The following FAM168B variants were observed in gnomAD, a reference collection of about 807,000 sequenced individuals.
FAM168B encodes the protein family with sequence similarity 168 member B.
FAM168B carries 19 observed loss-of-function variants against 21.8 expected under a neutral mutation model. That is an observed-to-expected ratio of 0.87 (90% confidence interval 0.61 to 1.28). FAM168B has a LOEUF of 1.28. Among genes scored for constraint, FAM168B ranks in the 50% most tolerant of loss-of-function variants. FAM168B has a pLI of 0.00. For missense variants in FAM168B, 233 were observed against 263.1 expected, an observed-to-expected ratio of 0.89 and a Z score of 0.79; for synonymous variants, 126 against 104.8, an observed-to-expected ratio of 1.20 and a Z score of -1.24.
chr2:131,089,124 A>G (rs1458467221), intron 1 of FAM168B, among the ~76,000 whole-genome samples: 1 of 151,880 alleles, frequency 6.6e-6, no homozygotes, highest in Admixed American at 6.6e-5. Flanking sequence ...GTGCCACCAC[A>G]CCCAGCTAAT....
intron 1 of FAM168B, among the ~76,000 whole-genome samples, chr2:131,084,273 T>C (rs760457185): frequency 1.5e-5 from 2 of 129,912 alleles, no homozygotes; most frequent in African/African-American, 2.9e-5. Context: ...CACTGCAACC[T>C]TGACCTCCTG....
chr2:131,067,530 C>T (rs1283922696), intron 3 of FAM168B, among the ~76,000 whole-genome samples: 2 of 152,116 alleles, frequency 1.3e-5, no homozygotes, highest in Non-Finnish European at 1.5e-5. Context: ...TGCTTGTGCT[C>T]AGGAATTTGA....
chr2:131,048,471 A>G lies in FAM168B; in HGVS notation c.*3994T>C. 8.5e-7 allele frequency: 1 copy of G among 1,172,106 alleles called. No homozygotes were observed. Among genetic ancestry groups the G allele is most frequent in the Non-Finnish European group, 1.1e-6 (1 of 921,270 alleles). The allele number at this position is 1,172,106 out of a possible 1,614,324, so 72.6% of individuals were successfully genotyped here. On this transcript the variant is annotated 3_prime_UTR_variant, in exon 7 of 7. Coordinates refer to ENST00000389915, the MANE Select transcript of FAM168B (RefSeq NM_001009993.4). The stretch of plus-strand genomic sequence containing the variant: ...TCCCCTTCCCAAGTGACTTCACTTC[A>G]GTCCTGTGGACCAAGATAAGGCTAT...
At chr2:131,075,682 G>A (rs1397454695) in intron 2 of FAM168B, among the ~76,000 whole-genome samples, 2 of 151,990 alleles carry the variant, frequency 1.3e-5, no homozygotes, top group African/African-American at 4.8e-5. Context: ...TAGAGACAGG[G>A]TTTCACCATG....
intron 3 of FAM168B, among the ~76,000 whole-genome samples, chr2:131,069,792 C>CTAAACTTTTAAAACCCCTGCTCTTT (rs1692778153): frequency 6.6e-6 from 1 of 151,522 alleles, no homozygotes; most frequent in African/African-American, 2.4e-5. Flanking sequence ...TGCGCCCAGC[C>CTAAACTTTTAAAACCCCTGCTCTTT]AAGTTACACA....
intron 3 of FAM168B, among the ~76,000 whole-genome samples, chr2:131,069,693 C>G (rs1300210308): frequency 6.6e-6 from 1 of 152,016 alleles, no homozygotes; most frequent in East Asian, 1.9e-4. Context: ...GGGGGTTTCA[C>G]CGCGTTAGCC....
chr2:131,083,118 G>C (rs1225045942), intron 1 of FAM168B, among the ~76,000 whole-genome samples: 4 of 152,114 alleles, frequency 2.6e-5, no homozygotes, highest in Non-Finnish European at 5.9e-5. Context: ...CACTTCGGGA[G>C]GCTGAGGTGG....
Position 131,050,079 on chromosome 2 carries a change from TAA to T in FAM168B, c.*2384_*2385del. 1.0e-6 allele frequency: 1 copy of T among 985,462 alleles called. No individual in the cohort carries two copies. The highest frequency in any genetic ancestry group is 1.2e-6 in the Non-Finnish European group (1 of 829,946). The allele number at this position is 985,462 out of a possible 1,614,324, so 61.0% of individuals were successfully genotyped here. A position where few individuals can be genotyped will look rare whatever the true frequency, so the allele number is the denominator to read the frequency against. ...CAACTTCATAAAAGGGAAAAAAGGT[TAA>T]GTTACAGGGAGGAAGAAAAGTGTTT... On this transcript the variant is annotated 3_prime_UTR_variant, in exon 7 of 7. Transcript: ENST00000389915.
chr2:131,056,001 A>G (rs1328714126), intron 3 of FAM168B, among the ~76,000 whole-genome samples: 1 of 152,252 alleles, frequency 6.6e-6, no homozygotes, highest in Non-Finnish European at 1.5e-5. Context: ...GCTGGAATTT[A>G]AATTGGTATG....
At position 131,048,407 on chromosome 2, in the gene FAM168B, G is replaced by C. The variant is rs1018790923; in HGVS notation, c.*4058C>G. On this transcript the variant is annotated 3_prime_UTR_variant, in exon 7 of 7. Transcript: ENST00000389915. ...GAGCACACCACCCTTCTGCAGGCCC[G>C]GGGGGGGGTCCCTACACAGACGCCG... 5.3e-6 allele frequency: 6 copies of C among 1,121,816 alleles called. No homozygotes were observed. Among genetic ancestry groups the C allele is most frequent in the Non-Finnish European group, 6.9e-6 (6 of 873,932 alleles). The allele number at this position is 1,121,816 out of a possible 1,614,324, so 69.5% of individuals were successfully genotyped here. A position where few individuals can be genotyped will look rare whatever the true frequency, so the allele number is the denominator to read the frequency against.
chr2:131,076,094 G>A (rs909445894), intron 2 of FAM168B, among the ~76,000 whole-genome samples: 5 of 152,134 alleles, frequency 3.3e-5, no homozygotes, highest in Non-Finnish European at 7.4e-5. Flanking sequence ...AGCTTTGGGA[G>A]GACCCCCAAC....
chr2:131,048,130 A>G lies in FAM168B; in HGVS notation c.*4335T>C. On this transcript the variant is annotated 3_prime_UTR_variant, in exon 7 of 7. Coordinates refer to ENST00000389915, the MANE Select transcript of FAM168B (RefSeq NM_001009993.4). Reference sequence around the variant, plus strand: ...AAGACAATGCTGACTTAGCTTAAAAAAAGTACCGAGAGAACGGTGTAAAAA... The same window carrying G: ...AAGACAATGCTGACTTAGCTTAAAAGAAGTACCGAGAGAACGGTGTAAAAA... 8.4e-7 allele frequency: 1 copy of G among 1,193,782 alleles called. No homozygotes were observed. The highest frequency in any genetic ancestry group is 1.5e-5 in the South Asian group (1 of 66,296). 73.9% of individuals were successfully genotyped at this position (1,193,782 alleles called of 1,614,324 possible).
In FAM168B at chr2:131,048,077, C is replaced by T. The variant is rs1000430131; in HGVS notation, c.*4388G>A. On this transcript the variant is annotated 3_prime_UTR_variant, in exon 7 of 7. Coordinates refer to ENST00000389915, the MANE Select transcript of FAM168B (RefSeq NM_001009993.4). ...TTGGCATGGATACGTAAGTTCAATG[C>T]AGAGGTGAGGGATGCCTTTAACACT... 1.3e-6 allele frequency: 1 copy of T among 766,260 alleles called. No individual in the cohort carries two copies. The highest frequency in any genetic ancestry group is 6.9e-5 in the East Asian group (1 of 14,404). 47.5% of individuals were successfully genotyped at this position (766,260 alleles called of 1,614,324 possible).
Position 131,049,380 on chromosome 2 carries a change from G to A in FAM168B, c.*3085C>T. 1 of 985,470 alleles carries A rather than the reference G, an allele frequency of 1.0e-6. No individual in the cohort carries two copies. Among genetic ancestry groups the A allele is most frequent in the Non-Finnish European group, 1.2e-6 (1 of 829,982 alleles). The allele number at this position is 985,470 out of a possible 1,614,324, so 61.0% of individuals were successfully genotyped here. A position where few individuals can be genotyped will look rare whatever the true frequency, so the allele number is the denominator to read the frequency against. On this transcript the variant is annotated 3_prime_UTR_variant, in exon 7 of 7. Coordinates refer to ENST00000389915, the MANE Select transcript of FAM168B (RefSeq NM_001009993.4). ...GCACTCAAGAAGGTTTCCCAGAATAGCGACAGGTAGGCCTACAAACCACAC... is the reference window on the plus strand; with the variant it reads ...GCACTCAAGAAGGTTTCCCAGAATAACGACAGGTAGGCCTACAAACCACAC...
chr2:131,065,770 C>T (rs1200074093), intron 3 of FAM168B, among the ~76,000 whole-genome samples: 1 of 129,658 alleles, frequency 7.7e-6, no homozygotes, highest in African/African-American at 3.0e-5. Context: ...GCCTGGGCAA[C>T]AGAGCGAGAC....
chr2:131,080,555 T>C (rs1693382213), intron 2 of FAM168B, among the ~76,000 whole-genome samples: 1 of 150,074 alleles, frequency 6.7e-6, no homozygotes, highest in East Asian at 2.0e-4. Flanking sequence ...GAGATGGAGG[T>C]TGTAGTGAGC....
At position 131,050,477 on chromosome 2, in the gene FAM168B, G is replaced by A. The variant is rs1691594635; in HGVS notation, c.*1988C>T. 9 of 985,712 alleles carry A rather than the reference G, an allele frequency of 9.1e-6. No individual in the cohort carries two copies. Among genetic ancestry groups the A allele is most frequent in the Non-Finnish European group, 1.1e-5 (9 of 829,948 alleles). 61.1% of individuals were successfully genotyped at this position (985,712 alleles called of 1,614,324 possible). A position where few individuals can be genotyped will look rare whatever the true frequency, so the allele number is the denominator to read the frequency against. ...TTGAAGAAAGGGGCACAAACTGTGT[G>A]CCTGCGGTAAATGTCTGCCCCCACA... On this transcript the variant is annotated 3_prime_UTR_variant, in exon 7 of 7. Transcript: ENST00000389915.
intron 2 of FAM168B, among the ~76,000 whole-genome samples, chr2:131,077,895 G>C (rs139555503): frequency 1.1e-3 from 164 of 152,314 alleles, no homozygotes; most frequent in South Asian, 3.9e-3. Context: ...TCAGGGTACG[G>C]ATCCACAAGA....
intron 2 of FAM168B, among the ~76,000 whole-genome samples, chr2:131,082,311 G>C (rs763299191): frequency 2.6e-5 from 4 of 152,144 alleles, no homozygotes; most frequent in Non-Finnish European, 5.9e-5. Context: ...GAAGGAGTGG[G>C]ACCTGTGACC....
Sources: gnomAD v4.1 joint callset for allele counts (sites outside exome capture counted in the v4.1 genomes callset) on GRCh38, gnomAD v4.1.1 for gene constraint, MANE v1.5 for transcripts, NCBI Gene and HGNC (gene_info 2026-07-23, HGNC 2026-07-21) for gene names.